SPOCK3: variants seen among roughly 807,000 people sequenced by gnomAD.
SPOCK3 encodes the protein testican-3.
SPOCK3 carries 30 observed loss-of-function variants against 56.6 expected under a neutral mutation model. That is an observed-to-expected ratio of 0.53 (90% CI 0.40 to 0.72). The LOEUF is 0.72. Ranked by LOEUF, SPOCK3 falls within the 30% of genes least tolerant of loss-of-function variation. The pLI, the probability that SPOCK3 is intolerant of heterozygous loss-of-function variation, is 0.00. For synonymous variants in SPOCK3, 196 were observed against 183.3 expected (o/e 1.07, Z -0.56); for missense variants, 527 against 530.0 (o/e 0.99, Z 0.06).
intron 6 of SPOCK3, among the ~76,000 whole-genome samples, chr4:166,839,517 A>G (rs1413823054): frequency 6.6e-6 from 1 of 152,124 alleles, no homozygotes; most frequent in East Asian, 1.9e-4. Flanking sequence ...AAGGCAGACC[A>G]TGGCCAGCCC....
chr4:166,838,578 T>C (rs1746873982), intron 6 of SPOCK3, among the ~76,000 whole-genome samples: 1 of 151,382 alleles, frequency 6.6e-6, no homozygotes, highest in Non-Finnish European at 1.5e-5. Context: ...TCTATTGCTT[T>C]GCTGGGACTT....
chr4:167,150,456 G>A (rs1166363794), intron 2 of SPOCK3, among the ~76,000 whole-genome samples: 1 of 152,028 alleles, frequency 6.6e-6, no homozygotes, highest in Non-Finnish European at 1.5e-5. Context: ...GAAAGGCGAG[G>A]TTGAAATCAG....
intron 7 of SPOCK3, among the ~76,000 whole-genome samples, chr4:166,788,007 C>A (rs188480552): frequency 3.3e-5 from 5 of 152,174 alleles, no homozygotes; most frequent in Admixed American, 3.3e-4. Context: ...CATGGTGAAA[C>A]CCCGTCTTCA....
intron 2 of SPOCK3, among the ~76,000 whole-genome samples, chr4:167,140,279 C>T (rs979110280): frequency 6.6e-6 from 1 of 152,038 alleles, no homozygotes; most frequent in African/African-American, 2.4e-5. Context: ...GACAAGAAAT[C>T]TTGCAGAACA....
At chr4:166,918,937 T>A (rs550927958) in intron 4 of SPOCK3, among the ~76,000 whole-genome samples, 1 of 152,210 alleles carries the variant, frequency 6.6e-6, no homozygotes, top group East Asian at 1.9e-4. Context: ...GGCCTCTCTG[T>A]CTTGATTTCT....
intron 2 of SPOCK3, among the ~76,000 whole-genome samples, chr4:167,111,722 A>G (rs1044763586): frequency 2.0e-5 from 3 of 152,038 alleles, no homozygotes; most frequent in Admixed American, 6.6e-5. Context: ...ATTCATAACA[A>G]TAGACTATAA....
chr4:166,883,674 C>T (rs747872630), intron 6 of SPOCK3, among the ~76,000 whole-genome samples: 5 of 152,230 alleles, frequency 3.3e-5, no homozygotes, highest in African/African-American at 1.2e-4. Flanking sequence ...CTTAGAAATG[C>T]GTAGCTCACA....
chr4:167,221,267 C>A (rs77634468), intron 2 of SPOCK3, among the ~76,000 whole-genome samples: 4,760 of 151,958 alleles, frequency 0.031, 88 homozygotes, highest in Admixed American at 0.069. Flanking sequence ...ACTTGAGAAG[C>A]GAAAGTGGGA....
intron 6 of SPOCK3, among the ~76,000 whole-genome samples, chr4:166,807,141 C>T (rs1285228018): frequency 6.6e-6 from 1 of 151,908 alleles, no homozygotes; most frequent in Non-Finnish European, 1.5e-5. Context: ...AGAATTCAGC[C>T]AAGCACTGTA....
At chr4:167,130,680 A>C (rs1762634333) in intron 2 of SPOCK3, among the ~76,000 whole-genome samples, 1 of 152,208 alleles carries the variant, frequency 6.6e-6, no homozygotes, top group South Asian at 2.1e-4. Context: ...ACCCAGTCCA[A>C]GTAAGACAGT....
intron 5 of SPOCK3, among the ~76,000 whole-genome samples, chr4:166,891,164 T>C (rs557861694): frequency 3.9e-5 from 6 of 151,976 alleles, no homozygotes; most frequent in African/African-American, 1.4e-4. Context: ...CTTTTAAGAG[T>C]CAATAATTAT....
At position 167,219,028 on chromosome 4, in the gene SPOCK3, C is replaced by G. The variant is rs145507450; in HGVS notation, c.189+14957G>C. Among the ~76,000 whole-genome samples the G allele has an allele frequency of 9.1e-3, 1,385 of 152,194 alleles. 11 individuals are homozygous for G. The highest frequency in any genetic ancestry group is 0.017 in the Middle Eastern group (5 of 294). On this transcript the variant is annotated intron_variant, in intron 2 of 10. Coordinates refer to ENST00000357545, the MANE Select transcript of SPOCK3 (RefSeq NM_001040159.2). ...AACTATAAAGTGTATAACATCTCAA[C>G]TCCAAAAAAATATATTTTATGTCAA... is the stretch of plus-strand genomic sequence containing the variant.
intron 2 of SPOCK3, among the ~76,000 whole-genome samples, chr4:167,160,069 G>C (rs1765156949): frequency 6.6e-6 from 1 of 151,968 alleles, no homozygotes; most frequent in Non-Finnish European, 1.5e-5. Context: ...GGAAATAAAG[G>C]GTATTCAATT....
At chr4:166,888,457 C>T (rs1359775482) in intron 6 of SPOCK3, among the ~76,000 whole-genome samples, 2 of 151,940 alleles carry the variant, frequency 1.3e-5, no homozygotes, top group Non-Finnish European at 2.9e-5. Flanking sequence ...CTGGAGCTAG[C>T]AGCCATGGAG....
intron 4 of SPOCK3, among the ~76,000 whole-genome samples, chr4:166,927,231 A>C (rs1739212594): frequency 1.3e-5 from 2 of 152,064 alleles, no homozygotes; most frequent in African/African-American, 4.8e-5. Context: ...TCTCCTCTTG[A>C]ATTTTGGCTC....
Position 166,899,508 on chromosome 4 carries a change from C to CTTTCT in SPOCK3, c.475-10265_475-10264insAGAAA, listed in dbSNP as rs1553997547. Reference sequence around the variant, plus strand: ...ATCTGTTCAGTGTATTTCTTTCTTTCTTTTTTTTTTTTTTTTGAGACAGAG... The same window carrying CTTTCT: ...ATCTGTTCAGTGTATTTCTTTCTTTCTTTCTTTTTTTTTTTTTTTTTGAGACAGAG... On this transcript the variant is annotated intron_variant, in intron 5 of 10. Transcript: ENST00000357545. Among the ~76,000 whole-genome samples the CTTTCT allele has an allele frequency of 4.8e-3, 571 of 119,104 alleles. 6 individuals are homozygous for CTTTCT. The highest frequency in any genetic ancestry group is 0.024 in the East Asian group (100 of 4,124). The allele number at this position is 119,104 out of a possible 152,430, so 78.1% of individuals were successfully genotyped here. A position where few individuals can be genotyped will look rare whatever the true frequency, so the allele number is the denominator to read the frequency against.
At chr4:167,037,287 T>C (rs1752837425) in intron 3 of SPOCK3, among the ~76,000 whole-genome samples, 2 of 152,088 alleles carry the variant, frequency 1.3e-5, no homozygotes, top group South Asian at 4.1e-4. Context: ...ATCAAGGCCA[T>C]ACCGGCCAAC....
intron 3 of SPOCK3, among the ~76,000 whole-genome samples, chr4:167,001,103 C>A (rs1748911326): frequency 6.6e-6 from 1 of 152,174 alleles, no homozygotes; most frequent in African/African-American, 2.4e-5. Flanking sequence ...TCGACGGTTT[C>A]ATTTTATAAC....
chr4:167,029,652 T>C (rs1024476855), intron 3 of SPOCK3, among the ~76,000 whole-genome samples: 4 of 152,100 alleles, frequency 2.6e-5, no homozygotes, highest in African/African-American at 9.7e-5. Context: ...GCTGCAGGCA[T>C]AATTGGCTTT....
Sources: allele counts gnomAD v4.1 joint callset (sites outside exome capture counted in the v4.1 genomes callset), GRCh38; gene constraint gnomAD v4.1.1; transcripts MANE v1.5; gene names NCBI Gene and HGNC (gene_info 2026-07-23, HGNC 2026-07-21).